Variants in HSPA13 observed in about 807,000 individuals in gnomAD.
HSPA13 encodes heat shock protein family A (Hsp70) member 13, also known as heat shock 70 kDa protein 13.
HSPA13 carries 29 observed loss-of-function variants against 38.8 expected under a neutral mutation model. The observed-to-expected ratio is 0.75, with a 90% CI of 0.56 to 1.02. The LOEUF is 1.02. Among genes scored for constraint, HSPA13 ranks in the 50% least tolerant of loss-of-function variants. The probability of loss-of-function intolerance (pLI) is 0.00; values close to 1 mark genes in which losing one functional copy is unlikely to be tolerated. For synonymous variants in HSPA13, 192 were observed against 205.3 expected, an observed-to-expected ratio of 0.94 and a Z score of 0.56; for missense variants, 451 against 560.9, an observed-to-expected ratio of 0.80 and a Z score of 1.98.
chr21:14,373,799 G>A lies in HSPA13; in HGVS notation c.1234C>T (p.Pro412Ser). The A allele has an allele frequency of 6.2e-7, 1 of 1,614,176 alleles. No individual in the cohort carries two copies. Among genetic ancestry groups the A allele is most frequent in the South Asian group, 1.1e-5 (1 of 91,086 alleles). The change falls in exon 5 of 5, where the codon CCT becomes TCT. Residue 412 changes from proline (P) to serine (S), a missense_variant. Pro to Ser is a moderately conservative substitution (Grantham distance 74). Transcript: ENST00000285667. ...VVLVGGSTRI[P>S]RIRQVIQEFF... Reference sequence around the variant, plus strand: ...TCTTGAATGACTTGACGGATCCGAGGAATACGAGTGGAGCCCCCAACTAAA... The same window carrying A: ...TCTTGAATGACTTGACGGATCCGAGAAATACGAGTGGAGCCCCCAACTAAA...
intron 4 of HSPA13, among the ~76,000 whole-genome samples, chr21:14,374,486 T>C (rs1016618927): frequency 2.6e-5 from 4 of 152,148 alleles, no homozygotes; most frequent in Non-Finnish European, 5.9e-5. Context: ...TCCTAGAACT[T>C]TGGAAGGCTG....
At chr21:14,375,039 T>C (rs1186410894) in intron 4 of HSPA13, among the ~76,000 whole-genome samples, 1 of 152,180 alleles carries the variant, frequency 6.6e-6, no homozygotes, top group Non-Finnish European at 1.5e-5. Context: ...ACAGGTTGAA[T>C]CCCTTAAGCT....
chr21:14,375,511 T>TTG (rs1339324893), intron 4 of HSPA13, 141 bp downstream of exon 4: 8 of 453,320 alleles, frequency 1.8e-5, no homozygotes, highest in Admixed American at 1.5e-4. Flanking sequence ...TTTTTTTTTT[T>TTG]TTAGTAGAGA....
At chr21:14,374,419 A>C in intron 4 of HSPA13, 135 bp from the exon 5 acceptor site, 1 of 683,930 alleles carries the variant, frequency 1.5e-6, no homozygotes, top group South Asian at 2.0e-5. Flanking sequence ...AATTTTATTC[A>C]TACAGAGACT....
At position 14,378,225 on chromosome 21, in the gene HSPA13, G is replaced by A. The variant is rs1731594348; in HGVS notation, c.554C>T (p.Ser185Leu). The A allele has an allele frequency of 2.5e-6, 4 of 1,613,992 alleles. No individual in the cohort carries two copies. In the African/African-American group the frequency reaches 5.3e-5, roughly 22 times the overall value. ...TGCAAGGTTAGCAGCTTCAATTGTTGAATTTCTCTGTTTTAGATCAAATTC... is the reference window on the plus strand; with the variant it reads ...TGCAAGGTTAGCAGCTTCAATTGTTAAATTTCTCTGTTTTAGATCAAATTC... Reference protein sequence around the residue: ...PAEFDLKQRNSTIEAANLAGL... With the variant: ...PAEFDLKQRNLTIEAANLAGL... The change falls in exon 3 of 5, where the codon TCA becomes TTA. Residue 185 changes from serine to leucine, a missense_variant. Coordinates refer to ENST00000285667, the MANE Select transcript of HSPA13 (RefSeq NM_006948.5).
chr21:14,373,994 G>A lies in HSPA13; in HGVS notation c.1039C>T (p.Arg347Cys), dbSNP rs778661767. ...CCACTTTTCTTATCAGAAAGGCCAC[G>A]TCCAAACCCACTGTTCACGCGATGG... The part of the protein sequence containing the change: ...DDHRVNSGFG[R>C]GLSDKKSGES... Residue 347 changes from arginine to cysteine, a missense_variant, in exon 5 of 5, where the codon CGT becomes TGT. Coordinates refer to ENST00000285667, the MANE Select transcript of HSPA13 (RefSeq NM_006948.5). 80 of 1,614,024 alleles carry A rather than the reference G, an allele frequency of 5.0e-5. No homozygotes were observed. The highest frequency in any genetic ancestry group is 5.9e-5 in the Non-Finnish European group (70 of 1,180,036).
At position 14,371,419 on chromosome 21, in the gene HSPA13, A is replaced by G. The variant is rs1309860422; in HGVS notation, c.*2198T>C. 1.3e-5 allele frequency: 2 copies of G among 152,218 alleles called. No individual in the cohort carries two copies. The highest frequency in any genetic ancestry group is 4.8e-5 in the African/African-American group (2 of 41,452). The allele number at this position is 152,218 out of a possible 1,614,324, so 9.4% of individuals were successfully genotyped here. The stretch of plus-strand genomic sequence containing the variant: ...AAAGTTTATTAATTTTTTTTATGAA[A>G]AGACTTCAGATTGTTATTCATAAAT... On this transcript the variant is annotated 3_prime_UTR_variant, in exon 5 of 5. Coordinates refer to ENST00000285667, the MANE Select transcript of HSPA13 (RefSeq NM_006948.5).
chr21:14,382,176 T>C (rs1984186174), intron 1 of HSPA13, among the ~76,000 whole-genome samples: 1 of 152,186 alleles, frequency 6.6e-6, no homozygotes. Flanking sequence ...GACTTCCTTC[T>C]TGCAGTGGTA....
chr21:14,378,445 TAAAA>T, intron 2 of HSPA13, 33 bp from the exon 3 acceptor site: 1 of 1,352,968 alleles, frequency 7.4e-7, no homozygotes, highest in African/African-American at 1.4e-5. Context: ...AGTAAATAAA[TAAAA>T]GAGTAAAAGC....
rs1396776161 is a variant in HSPA13 at position 14,383,125 on chromosome 21, T to A, written c.-6A>T. Reference sequence around the variant, plus strand: ...ATCGTCATCTCTCTGGCCATCACAGTCCCGCCGAACAGGCTTGTGATGACT... The same window carrying A: ...ATCGTCATCTCTCTGGCCATCACAGACCCGCCGAACAGGCTTGTGATGACT... On this transcript the variant is annotated 5_prime_UTR_variant, in exon 1 of 5. Transcript: ENST00000285667. 2.5e-6 allele frequency: 4 copies of A among 1,613,610 alleles called. No homozygotes were observed. The highest frequency in any genetic ancestry group is 3.4e-6 in the Non-Finnish European group (4 of 1,179,906).
rs777880942 is a variant in HSPA13, at chr21:14,378,304, C to A, written c.475G>T (p.Ala159Ser). The A allele has an allele frequency of 6.2e-7, 1 of 1,613,658 alleles. No homozygotes were observed. The highest frequency in any genetic ancestry group is 8.5e-7 in the Non-Finnish European group (1 of 1,179,682). ...SRLLLKLKEM[A>S]EAYLGMPVAN... ...ACTGGCATTCCAAGATATGCCTCTG[C>A]CATTTCCTTTAACTTCAACAATAGT... The change falls in exon 3 of 5, where the codon GCA (alanine) becomes TCA (serine). Residue 159 changes from alanine (A) to serine (S), a missense_variant. Coordinates refer to ENST00000285667, the MANE Select transcript of HSPA13 (RefSeq NM_006948.5).
In HSPA13 at chr21:14,375,768, T is replaced by G; in HGVS notation, c.632A>C (p.Tyr211Ser). 1 of 1,614,074 alleles carries G rather than the reference T, an allele frequency of 6.2e-7. No individual in the cohort carries two copies. The highest frequency in any genetic ancestry group is 8.5e-7 in the Non-Finnish European group (1 of 1,179,926). ...INEPTAAAMA[Y>S]GLHKADVFHV... ...GAAGACGTCAGCCTTGTGGAGACCA[T>G]AGGCCATAGCTGCTGCTGTGGGTTC... Residue 211 changes from tyrosine to serine, a missense_variant, in exon 4 of 5, where the codon TAT (tyrosine) becomes TCT (serine). Transcript: ENST00000285667.
intron 1 of HSPA13, 44 bp downstream of exon 1, chr21:14,383,051 C>A (rs756576517): frequency 6.2e-7 from 1 of 1,612,362 alleles, no homozygotes; most frequent in Admixed American, 1.7e-5. Context: ...ATCCTCAGAT[C>A]GCCTCTACGC....
rs754386567 is a variant in HSPA13 at position 14,374,202 on chromosome 21, G to A, written c.831C>T (p.Phe277=). The change falls in exon 5 of 5, where the codon TTC becomes TTT. Residue 277 remains phenylalanine, a synonymous_variant. Coordinates refer to ENST00000285667, the MANE Select transcript of HSPA13 (RefSeq NM_006948.5). ...LYKQIYQTYG[F]VPSRKEEIHR... The stretch of plus-strand genomic sequence containing the variant: ...GGATTTCCTCTTTCCTAGAGGGCAC[G>A]AAGCCATATGTTTGATAGATCTGTT... 21 of 1,613,066 alleles carry A rather than the reference G, an allele frequency of 1.3e-5. No individual in the cohort carries two copies. The highest frequency in any genetic ancestry group is 6.7e-5 in the East Asian group (3 of 44,892).
At position 14,378,229 on chromosome 21, in the gene HSPA13, TTC is replaced by T. The variant is rs771594339; in HGVS notation, c.548_549del (p.Arg183LysfsTer5). ...SVPAEFDLKQ[R>X]NSTIEAANLA... ...AGGTTAGCAGCTTCAATTGTTGAAT[TTC>T]TCTGTTTTAGATCAAATTCTGCTGG... is the stretch of plus-strand genomic sequence containing the variant. On this transcript the variant is annotated frameshift_variant, in exon 3 of 5. Transcript: ENST00000285667. LOFTEE classifies it high-confidence loss of function. 2 of 1,614,018 alleles carry T rather than the reference TTC, an allele frequency of 1.2e-6. No homozygotes were observed. Among genetic ancestry groups the T allele is most frequent in the African/African-American group, 1.3e-5 (1 of 74,936 alleles).
At chr21:14,375,491 A>ATTTTTT (rs34202425) in intron 4 of HSPA13, among the ~76,000 whole-genome samples, 161 bp downstream of exon 4, 8 of 128,562 alleles carry the variant, frequency 6.2e-5, no homozygotes, top group Non-Finnish European at 1.1e-4. Context: ...TTTTTCTGTA[A>ATTTTTT]TTTTTTTTTT....
intron 2 of HSPA13, among the ~76,000 whole-genome samples, chr21:14,378,624 C>CTTT (rs11322033): frequency 1.8e-4 from 26 of 145,512 alleles, no homozygotes; most frequent in East Asian, 8.0e-4. Context: ...ATTAGTTTTA[C>CTTT]TTTTTTTTTT....
chr21:14,371,780 T>A lies in HSPA13; in HGVS notation c.*1837A>T, dbSNP rs1378472804. 1 of 152,184 alleles carries A rather than the reference T, an allele frequency of 6.6e-6. No homozygotes were observed. Among genetic ancestry groups the A allele is most frequent in the Non-Finnish European group, 1.5e-5 (1 of 67,950 alleles). 9.4% of individuals were successfully genotyped at this position (152,184 alleles called of 1,614,324 possible). ...AGGTTTTCTTTATGTTTTAAGCTGA[T>A]CCTATATATGGAGATTTTGAGATAA... On this transcript the variant is annotated 3_prime_UTR_variant, in exon 5 of 5. Transcript: ENST00000285667.
chr21:14,381,539 C>A lies in HSPA13; in HGVS notation c.30G>T (p.Ser10=). The change falls in exon 2 of 5, where the codon TCG becomes TCT. Residue 10 remains serine (S), a synonymous_variant. Transcript: ENST00000285667. ...CGGCCAACAGGAGAGTCAAAACAGC[C>A]GATCCTGAAATAAAGGAAAATTAAA... MAREMTILG[S]AVLTLLLAGY... The A allele has an allele frequency of 6.3e-7, 1 of 1,583,686 alleles. No individual in the cohort carries two copies. Among genetic ancestry groups the A allele is most frequent in the Non-Finnish European group, 8.6e-7 (1 of 1,159,620 alleles).
Sources: gnomAD v4.1 joint callset for allele counts (sites outside exome capture counted in the v4.1 genomes callset) on GRCh38, gnomAD v4.1.1 for gene constraint, MANE v1.5 for transcripts, NCBI Gene and HGNC (gene_info 2026-07-23, HGNC 2026-07-21) for gene names.